The following GPR141 variants were observed in gnomAD, a reference collection of about 807,000 sequenced individuals.
GPR141 encodes probable G protein-coupled receptor 141.
A neutral mutation model predicts 6.8 loss-of-function variants in GPR141; 6 were observed. The ratio of observed to expected loss-of-function variants is 0.88; its 90% CI spans 0.48 to 1.74. The LOEUF is 1.74. GPR141 is among the 40% of genes most tolerant of loss of function. GPR141 has a pLI of 0.01. For synonymous variants in GPR141, 140 were observed against 142.3 expected (o/e 0.98, Z 0.11); for missense variants, 372 against 372.9 (o/e 1.00, Z 0.02).
chr7:37,722,051 G>A (rs959125465), intron 2 of GPR141, among the ~76,000 whole-genome samples: 12 of 152,162 alleles, frequency 7.9e-5, no homozygotes, highest in African/African-American at 2.7e-4. Flanking sequence ...AATATTTCAT[G>A]TCTGTCAACA....
At chr7:37,714,206 G>A (rs930901325) in intron 2 of GPR141, among the ~76,000 whole-genome samples, 4 of 152,142 alleles carry the variant, frequency 2.6e-5, no homozygotes, top group African/African-American at 9.7e-5. Context: ...CTGTAAAGCT[G>A]CAGGGACTAG....
Position 37,741,119 on chromosome 7 carries a change from G to T in GPR141, c.726G>T (p.Gln242His). 6.2e-7 allele frequency: 1 copy of T among 1,613,872 alleles called. No individual in the cohort carries two copies. ...TCCTTGTTTGTTTCCTTCCCTACCAGTTCTTTAGGATCTATTACTTGAATG... is the reference window on the plus strand; with the variant it reads ...TCCTTGTTTGTTTCCTTCCCTACCATTTCTTTAGGATCTATTACTTGAATG... ...GVILVCFLPY[Q>H]FFRIYYLNVV... The change falls in exon 3 of 3, where the codon CAG (glutamine) becomes CAT (histidine). Residue 242 changes from glutamine (Q) to histidine (H), a missense_variant. By Grantham distance (24) the Gln-to-His change is conservative. Coordinates refer to ENST00000334425, the MANE Select transcript of GPR141 (RefSeq NM_001381946.1).
In GPR141 at chr7:37,714,259, CTG is replaced by C. The variant is rs202092161; in HGVS notation, c.-14-26119_-14-26118del. The stretch of plus-strand genomic sequence containing the variant: ...ATTTACAGGGACTGGGATGCAGACT[CTG>C]TATATTTTTCTCTTCTCTTATTTCA... On this transcript the variant is annotated intron_variant, in intron 2 of 2. Transcript: ENST00000334425. 6.6e-3 allele frequency among the ~76,000 whole-genome samples: 989 copies of C among 150,030 alleles called. 15 individuals carry two copies. Among genetic ancestry groups the C allele is most frequent in the African/African-American group, 0.022 (888 of 39,468 alleles).
intron 2 of GPR141, among the ~76,000 whole-genome samples, chr7:37,707,554 T>C (rs1223450680): frequency 6.6e-6 from 1 of 152,240 alleles, no homozygotes; most frequent in Non-Finnish European, 1.5e-5. Context: ...GTACACTCTA[T>C]GCCAAGTCTT....
intron 2 of GPR141, among the ~76,000 whole-genome samples, chr7:37,738,812 T>A (rs930275130): frequency 3.3e-5 from 5 of 152,170 alleles, no homozygotes; most frequent in African/African-American, 1.2e-4. Flanking sequence ...TCTTGAGCTA[T>A]CTGATTTGCT....
At chr7:37,688,022 A>G (rs1008247991) in intron 2 of GPR141, among the ~76,000 whole-genome samples, 1 of 152,160 alleles carries the variant, frequency 6.6e-6, no homozygotes, top group Non-Finnish European at 1.5e-5. Context: ...CGATGCATAA[A>G]TAAATAAGCT....
chr7:37,715,538 G>C (rs1204505864), intron 2 of GPR141, among the ~76,000 whole-genome samples: 1 of 152,120 alleles, frequency 6.6e-6, no homozygotes, highest in Non-Finnish European at 1.5e-5. Context: ...CCAGTCTTAC[G>C]CTGGGTGCTT....
chr7:37,716,088 G>A (rs1202599524), intron 2 of GPR141, among the ~76,000 whole-genome samples: 1 of 152,190 alleles, frequency 6.6e-6, no homozygotes, highest in Non-Finnish European at 1.5e-5. Context: ...GAAGTGGCAG[G>A]CTTTGAGGAA....
chr7:37,721,649 C>T (rs1338141171), intron 2 of GPR141, among the ~76,000 whole-genome samples: 1 of 152,154 alleles, frequency 6.6e-6, no homozygotes, highest in Admixed American at 6.5e-5. Flanking sequence ...TTGGTCCTCC[C>T]TAGATTTTTT....
intron 2 of GPR141, among the ~76,000 whole-genome samples, chr7:37,699,434 G>A (rs1382027283): frequency 2.0e-5 from 3 of 152,252 alleles, no homozygotes; most frequent in African/African-American, 7.2e-5. Context: ...GGTGGCGGGC[G>A]CCTGTAGTCC....
rs868514693 is a variant in GPR141, at chr7:37,732,147, T to C, written c.-14-8233T>C. On this transcript the variant is annotated intron_variant, in intron 2 of 2. Coordinates refer to ENST00000334425, the MANE Select transcript of GPR141 (RefSeq NM_001381946.1). ...TTCTCCTTTTCTTTCTCTCTCTCTTTTTTTTTTTTTTTTTGAGATGGAGTC... is the reference window on the plus strand; with the variant it reads ...TTCTCCTTTTCTTTCTCTCTCTCTTCTTTTTTTTTTTTTTGAGATGGAGTC... Among the ~76,000 whole-genome samples, 1,015 of 145,644 alleles carry C rather than the reference T, an allele frequency of 7.0e-3. 13 individuals carry two copies. The highest frequency in any genetic ancestry group is 0.02 in the African/African-American group (802 of 40,228).
chr7:37,728,555 T>C (rs1583568506), intron 2 of GPR141, among the ~76,000 whole-genome samples: 1 of 151,888 alleles, frequency 6.6e-6, no homozygotes, highest in Admixed American at 6.6e-5. Flanking sequence ...CTACCATAGG[T>C]TTCTTATAAA....
At chr7:37,711,896 T>C (rs1810815159) in intron 2 of GPR141, among the ~76,000 whole-genome samples, 1 of 152,222 alleles carries the variant, frequency 6.6e-6, no homozygotes, top group African/African-American at 2.4e-5. Flanking sequence ...GTTTAATTTG[T>C]TGCAGCCAGA....
chr7:37,729,538 A>G (rs893741434), intron 2 of GPR141, among the ~76,000 whole-genome samples: 4 of 152,258 alleles, frequency 2.6e-5, no homozygotes, highest in Non-Finnish European at 5.9e-5. Flanking sequence ...ATTATATGCT[A>G]GTTTTGAAAG....
chr7:37,706,625 A>T (rs959769821), intron 2 of GPR141, among the ~76,000 whole-genome samples: 1 of 147,016 alleles, frequency 6.8e-6, no homozygotes, highest in African/African-American at 2.4e-5. Flanking sequence ...TTCTAGCCAA[A>T]CAAAGGCCAC....
chr7:37,717,803 C>G (rs1454548283), intron 2 of GPR141, among the ~76,000 whole-genome samples: 4 of 152,206 alleles, frequency 2.6e-5, no homozygotes, highest in Admixed American at 2.6e-4. Context: ...TCTTCTTTTA[C>G]TGTGTGTCCC....
intron 2 of GPR141, among the ~76,000 whole-genome samples, chr7:37,706,056 G>A (rs1583538223): frequency 6.6e-6 from 1 of 152,166 alleles, no homozygotes; most frequent in African/African-American, 2.4e-5. Context: ...TCCAATGAGG[G>A]TGGTTTAGAA....
At chr7:37,719,872 G>A (rs1811233606) in intron 2 of GPR141, among the ~76,000 whole-genome samples, 1 of 152,094 alleles carries the variant, frequency 6.6e-6, no homozygotes, top group African/African-American at 2.4e-5. Context: ...AGTGTGAGGA[G>A]GAGCTTGAAT....
At chr7:37,708,628 A>G (rs1810649791) in intron 2 of GPR141, among the ~76,000 whole-genome samples, 1 of 152,188 alleles carries the variant, frequency 6.6e-6, no homozygotes, top group Admixed American at 6.6e-5. Context: ...GAAACTCAAG[A>G]GGGAAATCAG....
Sources: allele counts gnomAD v4.1 joint callset (sites outside exome capture counted in the v4.1 genomes callset), GRCh38; gene constraint gnomAD v4.1.1; transcripts MANE v1.5; gene names NCBI Gene and HGNC (gene_info 2026-07-23, HGNC 2026-07-21).